Variants in MPP7 observed in about 807,000 individuals in gnomAD.
MPP7 encodes MAGUK p55 subfamily member 7.
A neutral mutation model predicts 76.5 loss-of-function variants in MPP7; 60 were observed. The ratio of observed to expected loss-of-function variants is 0.78; its 90% confidence interval spans 0.64 to 0.97. The LOEUF (loss-of-function observed/expected upper bound fraction) is 0.97. Ranked by LOEUF, MPP7 falls within the 50% of genes least tolerant of loss-of-function variation. The probability of loss-of-function intolerance (pLI) is 0.00; values close to 1 mark genes in which losing one functional copy is unlikely to be tolerated. For missense variants in MPP7, 641 were observed against 694.0 expected, an observed-to-expected ratio of 0.92 and a Z score of 0.86; for synonymous variants, 237 against 244.5, an observed-to-expected ratio of 0.97 and a Z score of 0.29.
At chr10:28,331,984 A>G (rs1834474425) in intron 1 of MPP7, among the ~76,000 whole-genome samples, 1 of 152,146 alleles carries the variant, frequency 6.6e-6, no homozygotes, top group Non-Finnish European at 1.5e-5. Context: ...AGATGTTTAG[A>G]AATTGTATTT....
chr10:28,179,848 T>C (rs1342153925), intron 3 of MPP7, among the ~76,000 whole-genome samples: 2 of 152,220 alleles, frequency 1.3e-5, no homozygotes, highest in Non-Finnish European at 2.9e-5. Flanking sequence ...TTACCATCTG[T>C]ATAATTTATA....
chr10:28,054,307 T>A, intron 16 of MPP7, 63 bp from the exon 17 acceptor site: 1 of 931,894 alleles, frequency 1.1e-6, no homozygotes. Context: ...TTCATATCAA[T>A]GCAAACATTC....
At chr10:28,305,596 T>G (rs900261652), upstream of MPP7, 2 of 152,388 alleles carry the variant, frequency 1.3e-5, no homozygotes, top group East Asian at 3.9e-4. Flanking sequence ...GAGACTGTCC[T>G]GCAGCAAATG....
chr10:28,321,141 C>A (rs926748763), intron 2 of MPP7, among the ~76,000 whole-genome samples: 2 of 152,098 alleles, frequency 1.3e-5, no homozygotes, highest in Admixed American at 1.3e-4. Flanking sequence ...GAAAGAAAAG[C>A]TGACATCTCA....
intron 2 of MPP7, among the ~76,000 whole-genome samples, chr10:28,230,243 A>T (rs1439523064): frequency 6.6e-6 from 1 of 152,194 alleles, no homozygotes; most frequent in Admixed American, 6.5e-5. Context: ...AAGAGAAAGC[A>T]TAAAATGGGA....
chr10:28,113,106 T>C (rs1410957762), intron 11 of MPP7, among the ~76,000 whole-genome samples: 1 of 152,150 alleles, frequency 6.6e-6, no homozygotes. Flanking sequence ...ACGTGGACCA[T>C]GCAATTATGC....
rs1408277222 is a variant in MPP7 at position 28,094,308 on chromosome 10, GGGGTT to G, written c.953-4472_953-4468del. 3.7e-3 allele frequency among the ~76,000 whole-genome samples: 569 copies of G among 152,260 alleles called. 2 individuals are homozygous for G. The highest frequency in any genetic ancestry group is 0.013 in the African/African-American group (534 of 41,528). ...GAGCAAAGGCAGTGAGGTCGCAACAGGGGTTCCATGGGAGCAGCTGGTCACTGATT... is the reference window on the plus strand; with the variant it reads ...GAGCAAAGGCAGTGAGGTCGCAACAGCCATGGGAGCAGCTGGTCACTGATT... On this transcript the variant is annotated intron_variant, in intron 11 of 16. Transcript: ENST00000683449.
intron 1 of MPP7, among the ~76,000 whole-genome samples, chr10:28,270,662 T>A (rs2133028071): frequency 6.6e-6 from 1 of 152,272 alleles, no homozygotes; most frequent in South Asian, 2.1e-4. Flanking sequence ...CTATCCTCGT[T>A]TTCTTAAACA....
At chr10:28,158,897 A>C (rs1257177153) in intron 3 of MPP7, among the ~76,000 whole-genome samples, 1 of 152,142 alleles carries the variant, frequency 6.6e-6, no homozygotes, top group Non-Finnish European at 1.5e-5. Context: ...CTGTCCCAAC[A>C]CAACAGAAGA....
At chr10:28,155,719 G>A (rs781343267) in intron 3 of MPP7, among the ~76,000 whole-genome samples, 6 of 151,992 alleles carry the variant, frequency 3.9e-5, no homozygotes, top group African/African-American at 4.8e-5. Flanking sequence ...CAGGTAAGAC[G>A]AGGAACAGAA....
At chr10:28,316,435 TAAAAAAAAAAAAAAAAAAA>T (rs549621404) in intron 2 of MPP7, among the ~76,000 whole-genome samples, 8 of 37,150 alleles carry the variant, frequency 2.2e-4, no homozygotes, top group Middle Eastern at 0.025. Flanking sequence ...ACTCTGTCTT[TAAAAAAAAAAAAAAAAAAA>T]AAAAAAAAAA....
At position 28,261,643 on chromosome 10, in the gene MPP7, C is replaced by T. The variant is rs865837703; in HGVS notation, c.-131-22908G>A. Among the ~76,000 whole-genome samples the T allele has an allele frequency of 4.6e-5, 7 of 151,934 alleles. 1 individual carries two copies. The highest frequency in any genetic ancestry group is 6.8e-3 in the Middle Eastern group (2 of 294). On this transcript the variant is annotated intron_variant, in intron 1 of 16. Coordinates refer to ENST00000683449, the MANE Select transcript of MPP7 (RefSeq NM_001318170.2). ...ATCAGACACACCCCAATGACAATGACGTAGAACACCCTCCAATGTAGTACA... is the reference window on the plus strand; with the variant it reads ...ATCAGACACACCCCAATGACAATGATGTAGAACACCCTCCAATGTAGTACA...
At chr10:28,149,752 G>A (rs538696114) in intron 4 of MPP7, among the ~76,000 whole-genome samples, 2 of 152,176 alleles carry the variant, frequency 1.3e-5, no homozygotes, top group African/African-American at 2.4e-5. Context: ...ACGAAGTTAC[G>A]AAAGCAGAAC....
chr10:28,057,144 A>G (rs1254223301), intron 15 of MPP7, among the ~76,000 whole-genome samples: 2 of 152,170 alleles, frequency 1.3e-5, no homozygotes, highest in African/African-American at 4.8e-5. Context: ...GAAAGTTATT[A>G]TTCATGAGCT....
intron 3 of MPP7, among the ~76,000 whole-genome samples, chr10:28,184,211 T>TAC (rs1564684481): frequency 6.8e-6 from 1 of 147,936 alleles, no homozygotes. Flanking sequence ...TATCTTTATA[T>TAC]GTTAAATATA....
intron 3 of MPP7, among the ~76,000 whole-genome samples, chr10:28,164,500 T>G (rs896886204): frequency 6.6e-6 from 1 of 152,126 alleles, no homozygotes; most frequent in East Asian, 1.9e-4. Context: ...AGAAGGCAGG[T>G]AGTCACCCGA....
At chr10:28,328,854 G>A (rs1032118002) in intron 2 of MPP7, among the ~76,000 whole-genome samples, 3 of 152,088 alleles carry the variant, frequency 2.0e-5, no homozygotes, top group Admixed American at 1.3e-4. Flanking sequence ...TCTACATACT[G>A]TCCTCACTAT....
At chr10:28,130,672 C>T (rs980097028) in intron 6 of MPP7, among the ~76,000 whole-genome samples, 1 of 152,208 alleles carries the variant, frequency 6.6e-6, no homozygotes, top group African/African-American at 2.4e-5. Flanking sequence ...CTTTGACAGT[C>T]TTGTGGCTTC....
At chr10:28,334,405 C>CTAAA (rs1834497576) in intron 1 of MPP7, 1 of 152,180 alleles carries the variant, frequency 6.6e-6, no homozygotes, top group Non-Finnish European at 1.5e-5. Context: ...CCCATCACCA[C>CTAAA]TAAATACTCA....
Sources: allele counts gnomAD v4.1 joint callset (sites outside exome capture counted in the v4.1 genomes callset), GRCh38; gene constraint gnomAD v4.1.1; transcripts MANE v1.5; gene names NCBI Gene and HGNC (gene_info 2026-07-23, HGNC 2026-07-21).